ABCD3: variants seen among roughly 807,000 people sequenced by gnomAD.
ABCD3 encodes the protein ATP-binding cassette sub-family D member 3.
Under a neutral mutation model 105.5 loss-of-function variants are expected in ABCD3, and 41 were observed. That is an observed-to-expected ratio of 0.39 (90% CI 0.30 to 0.50). The LOEUF (loss-of-function observed/expected upper bound fraction) is 0.50, where lower values mean the gene tolerates loss of function less well. Ranked by LOEUF, ABCD3 falls within the 20% of genes least tolerant of loss-of-function variation. The pLI is 0.84. For synonymous variants in ABCD3, 258 were observed against 269.0 expected, an observed-to-expected ratio of 0.96 and a Z score of 0.40; for missense variants, 622 against 806.3, an observed-to-expected ratio of 0.77 and a Z score of 2.77.
chr1:94,426,628 C>T (rs578101266), intron 1 of ABCD3, among the ~76,000 whole-genome samples: 11 of 151,886 alleles, frequency 7.2e-5, no homozygotes, highest in Middle Eastern at 3.4e-3. Flanking sequence ...CCGCAACCTC[C>T]GACTCCCGGG....
intron 21 of ABCD3, among the ~76,000 whole-genome samples, chr1:94,511,198 ATCTC>A (rs905699913): frequency 2.7e-5 from 4 of 150,178 alleles, no homozygotes; most frequent in African/African-American, 9.8e-5. Context: ...TGGTGACAAA[ATCTC>A]TCAGCATTTG....
At chr1:94,418,246 G>C (rs1415597416), upstream of ABCD3, among the ~76,000 whole-genome samples, 1 of 152,206 alleles carries the variant, frequency 6.6e-6, no homozygotes, top group African/African-American at 2.4e-5. Flanking sequence ...CGCAGAGCGC[G>C]TCCCGGGAAC....
In ABCD3 at chr1:94,487,939, G is replaced by A; in HGVS notation, c.1113G>A (p.Leu371=). 1.2e-6 allele frequency: 2 copies of A among 1,613,818 alleles called. No individual in the cohort carries two copies. The highest frequency in any genetic ancestry group is 1.1e-5 in the South Asian group (1 of 91,006). The change falls in exon 13 of 23, where the codon CTG becomes CTA. Residue 371 remains leucine, a synonymous_variant. Transcript: ENST00000370214. ...TGCTTTTGCGAATGTCTCAAGCTCT[G>A]GGTCGAATAGTTTTGGCTGGGCGTG... The part of the protein sequence containing the change: ...GRMLLRMSQA[L]GRIVLAGREM...
At chr1:94,499,814 A>ATAC (rs931659055) in intron 20 of ABCD3, among the ~76,000 whole-genome samples, 200 bp downstream of exon 20, 2 of 152,230 alleles carry the variant, frequency 1.3e-5, no homozygotes, top group Admixed American at 6.5e-5. Context: ...ATACCCTGCC[A>ATAC]GTATCTATGA....
chr1:94,480,970 C>G (rs879752292), intron 9 of ABCD3, among the ~76,000 whole-genome samples: 5 of 152,086 alleles, frequency 3.3e-5, no homozygotes, highest in Admixed American at 1.3e-4. Flanking sequence ...GTTCATAATG[C>G]TCAATGATTC....
chr1:94,389,733 G>T, the ABCD3 span, among the ~76,000 whole-genome samples: 2 of 152,140 alleles, frequency 1.3e-5, no homozygotes, highest in Non-Finnish European at 2.9e-5. Flanking sequence ...CTGGGTTAGG[G>T]TGTCCCCGAC....
chr1:94,435,120 T>C (rs1029478975), intron 1 of ABCD3, among the ~76,000 whole-genome samples: 1 of 152,358 alleles, frequency 6.6e-6, no homozygotes, highest in Admixed American at 6.5e-5. Context: ...TTGCATACTT[T>C]TTCTTCATCC....
At chr1:94,404,199 ACAT>A in the ABCD3 span, among the ~76,000 whole-genome samples, 1 of 152,162 alleles carries the variant, frequency 6.6e-6, no homozygotes, top group African/African-American at 2.4e-5. Context: ...GATCCCAACA[ACAT>A]CAATACCTTT....
At chr1:94,485,452 C>T (rs977259314) in intron 10 of ABCD3, among the ~76,000 whole-genome samples, 23 of 152,058 alleles carry the variant, frequency 1.5e-4, no homozygotes, top group African/African-American at 4.1e-4. Flanking sequence ...TTTGCCTCGT[C>T]GGTATTTAAC....
the ABCD3 span, among the ~76,000 whole-genome samples, chr1:94,385,615 C>A: frequency 1.3e-5 from 2 of 152,184 alleles, no homozygotes; most frequent in African/African-American, 4.8e-5. Flanking sequence ...TCAGCCATGG[C>A]CTCAAACACA....
intron 1 of ABCD3, among the ~76,000 whole-genome samples, chr1:94,438,482 TG>T (rs1168615783): frequency 6.6e-6 from 1 of 152,158 alleles, no homozygotes; most frequent in Admixed American, 6.5e-5. Context: ...TAAACTTGGT[TG>T]ATGTGACAAG....
At chr1:94,472,016 T>C (rs1200992170) in intron 4 of ABCD3, among the ~76,000 whole-genome samples, 1 of 152,174 alleles carries the variant, frequency 6.6e-6, no homozygotes, top group Admixed American at 6.5e-5. Context: ...GTTGCTGCTT[T>C]ATCTAATCAT....
At chr1:94,392,939 C>T in the ABCD3 span, among the ~76,000 whole-genome samples, 4 of 151,628 alleles carry the variant, frequency 2.6e-5, 1 homozygote, top group South Asian at 6.3e-4. Context: ...TGGTAAAACC[C>T]CGTCTCTGCT....
At chr1:94,510,589 G>A (rs887390083) in intron 21 of ABCD3, among the ~76,000 whole-genome samples, 4 of 152,122 alleles carry the variant, frequency 2.6e-5, no homozygotes, top group African/African-American at 9.7e-5. Context: ...TGACAGTGGG[G>A]TGTTAAAGTC....
chr1:94,506,633 T>C lies in ABCD3; in HGVS notation c.1836T>C (p.His612=), dbSNP rs1162981988. ...ACGTGGAAGGCTACATTTATAGTCA[T>C]TGTCGAAAGGTAAGTACGCAGGTGC... ...SVDVEGYIYS[H]CRKVGITLFT... is the part of the protein sequence containing the mutation. The change falls in exon 21 of 23, where the codon CAT becomes CAC. Residue 612 remains histidine, a synonymous_variant. Coordinates refer to ENST00000370214, the MANE Select transcript of ABCD3 (RefSeq NM_002858.4). The C allele has an allele frequency of 1.2e-6, 2 of 1,611,928 alleles. No individual in the cohort carries two copies. The highest frequency in any genetic ancestry group is 2.2e-5 in the South Asian group (2 of 91,050).
the ABCD3 span, among the ~76,000 whole-genome samples, chr1:94,410,890 T>C: frequency 3.3e-5 from 5 of 152,240 alleles, no homozygotes; most frequent in Admixed American, 2.6e-4. Flanking sequence ...CAAATGTAAT[T>C]GGTTCAACAA....
chr1:94,413,829 A>G (rs144499393), upstream of ABCD3, among the ~76,000 whole-genome samples: 428 of 152,322 alleles, frequency 2.8e-3, 6 homozygotes, highest in Admixed American at 0.024. Flanking sequence ...CCTACTACAT[A>G]TTAATAGAAT....
the ABCD3 span, among the ~76,000 whole-genome samples, chr1:94,392,159 G>A: frequency 1.3e-5 from 2 of 152,182 alleles, no homozygotes; most frequent in Admixed American, 1.3e-4. Context: ...CTCCTCTGAA[G>A]CATATGATAG....
At chr1:94,475,529 C>T (rs774875996) in intron 6 of ABCD3, 85 bp from the exon 7 acceptor site, 1 of 1,396,200 alleles carries the variant, frequency 7.2e-7, no homozygotes, top group Non-Finnish European at 1.0e-6. Context: ...TGTATTTGAG[C>T]TAGGTGGTGT....
Sources: gnomAD v4.1 joint callset for allele counts (sites outside exome capture counted in the v4.1 genomes callset) on GRCh38, gnomAD v4.1.1 for gene constraint, MANE v1.5 for transcripts, NCBI Gene and HGNC (gene_info 2026-07-23, HGNC 2026-07-21) for gene names.